Variants in ATP2C1 observed in about 807,000 individuals in gnomAD.
The protein encoded by ATP2C1 is ATPase secretory pathway Ca2+ transporting 1.
ATP2C1 carries 31 observed loss-of-function variants against 120.5 expected under a neutral mutation model. The ratio of observed to expected loss-of-function variants is 0.26; its 90% CI spans 0.19 to 0.35. The LOEUF (loss-of-function observed/expected upper bound fraction) is 0.35, where lower values mean the gene tolerates loss of function less well. Ranked by LOEUF, ATP2C1 falls within the 10% of genes least tolerant of loss-of-function variation. ATP2C1 has a pLI of 1.00. For missense variants in ATP2C1, 731 were observed against 1,107.5 expected (o/e 0.66, Z 4.83); for synonymous variants, 351 against 358.7 (o/e 0.98, Z 0.24).
chr3:130,953,836 A>C lies in ATP2C1; in HGVS notation c.547A>C (p.Ile183Leu), dbSNP rs200602419. 228 of 1,614,072 alleles carry C rather than the reference A, an allele frequency of 1.4e-4. 4 individuals carry two copies. In the South Asian group the frequency reaches 2.4e-3, roughly 17 times the overall value. ...LRLFEAVDLS[I>L]DESSLTGETT... ...GTTCCCTAAGGCTGTGGATCTTTCC[A>C]TTGATGAGTCCAGCTTGACAGGTGA... Residue 183 changes from isoleucine to leucine, a missense_variant, in exon 9 of 28, where the codon ATT (isoleucine) becomes CTT (leucine). Ile to Leu is a conservative substitution (Grantham distance 5). This residue lies in a region of ATP2C1 where 571 missense variants were observed against 845.9 expected (regional missense o/e 0.67). Coordinates refer to ENST00000510168, the MANE Select transcript of ATP2C1 (RefSeq NM_001378687.1).
intron 7 of ATP2C1, among the ~76,000 whole-genome samples, chr3:130,941,306 A>G (rs2059909916): frequency 6.7e-6 from 1 of 150,350 alleles, no homozygotes. Flanking sequence ...GCGCGTGTCC[A>G]TGCGCAAGTG....
rs1263482622 is a variant in ATP2C1, at chr3:130,867,294, T to TTTTCCCTCTCCC, written c.108+16367_108+16368insTTCCCTCTCCCT. 6.2e-4 allele frequency among the ~76,000 whole-genome samples: 88 copies of TTTTCCCTCTCCC among 140,968 alleles called. 2 individuals are homozygous for TTTTCCCTCTCCC. The highest frequency in any genetic ancestry group is 2.3e-3 in the African/African-American group (85 of 36,590). The allele number at this position is 140,968 out of a possible 152,430, so 92.5% of individuals were successfully genotyped here. A position where few individuals can be genotyped will look rare whatever the true frequency, so the allele number is the denominator to read the frequency against. ...TCTTTAAATCAAAAAATAGAAATGA[T>TTTTCCCTCTCCC]TGTCCCTCTCCCTCTCCCTCTCCCT... On this transcript the variant is annotated intron_variant, in intron 1 of 26. Transcript: ENST00000504381.
chr3:130,960,229 A>G (rs1208246810), intron 12 of ATP2C1, among the ~76,000 whole-genome samples: 1 of 152,158 alleles, frequency 6.6e-6, no homozygotes, highest in Admixed American at 6.5e-5. Flanking sequence ...AACTCACAAG[A>G]CTTTCACAGA....
Position 131,001,388 on chromosome 3 carries a change from C to T in ATP2C1, c.*38C>T. On this transcript the variant is annotated 3_prime_UTR_variant, in exon 28 of 28. Transcript: ENST00000510168. ...TATTTTATTTGCAAACTAGGAATTG[C>T]AGTCTGAGGATCATTTAGAAGGGCA... is the stretch of plus-strand genomic sequence containing the variant. 6.2e-7 allele frequency: 1 copy of T among 1,606,152 alleles called. No individual in the cohort carries two copies.
At chr3:130,938,693 A>G (rs1559947852) in intron 6 of ATP2C1, among the ~76,000 whole-genome samples, 2 of 152,230 alleles carry the variant, frequency 1.3e-5, no homozygotes, top group Admixed American at 6.5e-5. Flanking sequence ...CAGGCTAACC[A>G]TTATTCAAGG....
intron 2 of ATP2C1, among the ~76,000 whole-genome samples, chr3:130,900,949 G>T (rs1410756531): frequency 6.6e-6 from 1 of 152,140 alleles, no homozygotes; most frequent in Admixed American, 6.5e-5. Flanking sequence ...TTCCCTAGCA[G>T]CATGTTTGCT....
intron 2 of ATP2C1, among the ~76,000 whole-genome samples, chr3:130,898,577 A>G (rs536183882): frequency 6.6e-6 from 1 of 152,328 alleles, no homozygotes; most frequent in South Asian, 2.1e-4. Context: ...GATTATATAT[A>G]TGACATTTTG....
At chr3:130,895,888 G>A (rs2069587282) in intron 2 of ATP2C1, among the ~76,000 whole-genome samples, 1 of 152,170 alleles carries the variant, frequency 6.6e-6, no homozygotes, top group Non-Finnish European at 1.5e-5. Flanking sequence ...ATGGATAATT[G>A]GCGGAAGACA....
At chr3:130,875,907 G>T in intron 1 of ATP2C1, among the ~76,000 whole-genome samples, 1 of 148,960 alleles carries the variant, frequency 6.7e-6, no homozygotes, top group Admixed American at 6.7e-5. Flanking sequence ...TGTACTTGTT[G>T]GCCATTTGCT....
intron 25 of ATP2C1, among the ~76,000 whole-genome samples, 187 bp downstream of exon 25, chr3:130,997,940 T>G (rs779381064): frequency 5.3e-5 from 8 of 152,306 alleles, no homozygotes; most frequent in Admixed American, 3.9e-4. Context: ...GATTCATGTA[T>G]TAGAATAAAT....
intron 4 of ATP2C1, among the ~76,000 whole-genome samples, chr3:130,934,023 T>C (rs377509459): frequency 1.3e-5 from 2 of 152,220 alleles, no homozygotes; most frequent in South Asian, 2.1e-4. Flanking sequence ...TGGGGTTGAC[T>C]CTGGTGTGAG....
intron 2 of ATP2C1, among the ~76,000 whole-genome samples, chr3:130,925,802 G>C (rs564621890): frequency 3.9e-5 from 6 of 151,944 alleles, no homozygotes; most frequent in African/African-American, 1.4e-4. Context: ...CTGCTGTTGC[G>C]GGGGGTGGGG....
intron 23 of ATP2C1, chr3:130,996,377 T>C (rs570266217): frequency 3.0e-4 from 170 of 573,074 alleles, no homozygotes; most frequent in Non-Finnish European, 4.4e-4. Flanking sequence ...TGTTTCCTCT[T>C]GGTATCTTTT....
At position 130,955,000 on chromosome 3, in the gene ATP2C1, T is replaced by G; in HGVS notation, c.688-12T>G. 1 of 1,605,774 alleles carries G rather than the reference T, an allele frequency of 6.2e-7. No individual in the cohort carries two copies. Among genetic ancestry groups the G allele is most frequent in the South Asian group, 1.1e-5 (1 of 90,894 alleles). The stretch of plus-strand genomic sequence containing the variant: ...TCTGGATGTAAATGTATTTTCCTGT[T>G]TTTCCCCTTAGGGTGTTGTCATTGG... On this transcript the variant is annotated splice_polypyrimidine_tract_variant and intron_variant, in intron 9 of 27. Coordinates refer to ENST00000510168, the MANE Select transcript of ATP2C1 (RefSeq NM_001378687.1).
intron 16 of ATP2C1, 136 bp downstream of exon 16, chr3:130,967,555 C>T: frequency 6.8e-6 from 5 of 737,210 alleles, no homozygotes; most frequent in South Asian, 6.5e-5. Context: ...TTTTTACTAT[C>T]TTTTAGGTAT....
At chr3:130,969,243 A>G (rs759190425) in intron 16 of ATP2C1, 49 bp from the exon 17 acceptor site, 1 of 1,384,028 alleles carries the variant, frequency 7.2e-7, no homozygotes, top group Admixed American at 1.7e-5. Flanking sequence ...GTTAAAGGAA[A>G]AAATAATCAC....
chr3:130,959,728 T>A (rs1247275303), intron 12 of ATP2C1: 2 of 156,982 alleles, frequency 1.3e-5, no homozygotes, highest in African/African-American at 4.8e-5. Flanking sequence ...CAAGTGTTTG[T>A]ATTTTCAGAG....
intron 18 of ATP2C1, among the ~76,000 whole-genome samples, chr3:130,977,429 A>T (rs901954301): frequency 1.3e-5 from 2 of 152,156 alleles, no homozygotes; most frequent in Admixed American, 1.3e-4. Context: ...ATAAAGCATT[A>T]AAAGAGTGGA....
intron 7 of ATP2C1, among the ~76,000 whole-genome samples, chr3:130,941,248 G>A (rs947585599): frequency 6.7e-6 from 1 of 148,884 alleles, no homozygotes; most frequent in African/African-American, 2.5e-5. Flanking sequence ...GTGTGTGTGT[G>A]TGTGTGTGTG....
Sources: gnomAD v4.1 joint callset for allele counts (sites outside exome capture counted in the v4.1 genomes callset) on GRCh38, gnomAD v4.1.1 for gene constraint, gnomAD v4.1.1 regional missense constraint, MANE v1.5 for transcripts, NCBI Gene and HGNC (gene_info 2026-07-23, HGNC 2026-07-21) for gene names.